Variants in CHODL observed in about 807,000 individuals in gnomAD.
CHODL encodes chondrolectin.
A neutral mutation model predicts 34.5 loss-of-function variants in CHODL; 29 were observed. That is an observed-to-expected ratio of 0.84 (90% confidence interval 0.63 to 1.15). The LOEUF (loss-of-function observed/expected upper bound fraction) is 1.15. Among genes scored for constraint, CHODL ranks in the 50% most tolerant of loss-of-function variants. The probability of loss-of-function intolerance (pLI) is 0.00; values close to 1 mark genes in which losing one functional copy is unlikely to be tolerated. For synonymous variants in CHODL, 125 were observed against 116.1 expected (o/e 1.08, Z -0.49); for missense variants, 332 against 332.5 (o/e 1.00, Z 0.01).
chr21:18,108,855 G>A (rs1353314505), intron 2 of CHODL, among the ~76,000 whole-genome samples: 1 of 151,896 alleles, frequency 6.6e-6, no homozygotes. Context: ...GTGTGTGTGT[G>A]TGTGTGTGTG....
At chr21:18,196,248 TATAAC>T (rs1296631875) in intron 2 of CHODL, among the ~76,000 whole-genome samples, 1 of 152,234 alleles carries the variant, frequency 6.6e-6, no homozygotes, top group Non-Finnish European at 1.5e-5. Flanking sequence ...AATAAGCTCT[TATAAC>T]ATGGTATGTT....
At chr21:18,163,103 G>C (rs1001844819) in intron 2 of CHODL, among the ~76,000 whole-genome samples, 1 of 152,054 alleles carries the variant, frequency 6.6e-6, no homozygotes, top group Non-Finnish European at 1.5e-5. Flanking sequence ...TTACAGTTTG[G>C]GGCTATTAAC....
At chr21:18,148,345 G>A (rs574777322) in intron 2 of CHODL, among the ~76,000 whole-genome samples, 112 of 152,174 alleles carry the variant, frequency 7.4e-4, no homozygotes, top group Non-Finnish European at 1.3e-3. Flanking sequence ...AGATATCATT[G>A]CAAAATAACT....
chr21:18,234,390 C>T (rs1334732162), intron 2 of CHODL, among the ~76,000 whole-genome samples: 3 of 152,012 alleles, frequency 2.0e-5, no homozygotes, highest in Admixed American at 2.0e-4. Flanking sequence ...CTCAAAATGG[C>T]ACAGCTGGCG....
chr21:18,245,855 C>A, intron 1 of CHODL: 25 of 1,469,768 alleles, frequency 1.7e-5, no homozygotes, highest in Non-Finnish European at 2.3e-5. Context: ...GTGGTCATTG[C>A]GTGTAGATGC....
chr21:17,998,242 G>A (rs988037198), intron 1 of CHODL, among the ~76,000 whole-genome samples: 1 of 152,204 alleles, frequency 6.6e-6, no homozygotes, highest in South Asian at 2.1e-4. Context: ...CTCACACCCA[G>A]GTCATGCTGA....
chr21:18,144,459 T>C (rs2072841460), intron 2 of CHODL, among the ~76,000 whole-genome samples: 1 of 152,146 alleles, frequency 6.6e-6, no homozygotes, highest in South Asian at 2.1e-4. Context: ...ACATGAAAGT[T>C]GGTTCACTTT....
chr21:18,185,426 T>C (rs938966098), intron 2 of CHODL, among the ~76,000 whole-genome samples: 2 of 152,240 alleles, frequency 1.3e-5, no homozygotes, highest in African/African-American at 4.8e-5. Flanking sequence ...CTATCATTGA[T>C]GAGCATCTGG....
intron 1 of CHODL, among the ~76,000 whole-genome samples, chr21:18,249,061 AT>A (rs2074199825): frequency 8.1e-6 from 1 of 123,274 alleles, no homozygotes; most frequent in African/African-American, 3.2e-5. Context: ...ATTATATATA[AT>A]TTACTATATA....
intron 2 of CHODL, among the ~76,000 whole-genome samples, chr21:18,049,989 C>T (rs1006768929): frequency 2.0e-5 from 3 of 151,916 alleles, no homozygotes; most frequent in Non-Finnish European, 4.4e-5. Flanking sequence ...TTCTGCTTTC[C>T]TGGAGCTAAC....
chr21:18,098,818 C>T (rs1442445665), intron 2 of CHODL, among the ~76,000 whole-genome samples: 1 of 152,028 alleles, frequency 6.6e-6, no homozygotes, highest in East Asian at 1.9e-4. Context: ...AGACTTGGAA[C>T]CAACCTTATT....
chr21:18,125,006 A>T (rs1194736918), intron 2 of CHODL, among the ~76,000 whole-genome samples: 1 of 152,234 alleles, frequency 6.6e-6, no homozygotes, highest in Non-Finnish European at 1.5e-5. Flanking sequence ...TCTCAAAAAA[A>T]CTTCCTACCT....
intron 1 of CHODL, among the ~76,000 whole-genome samples, chr21:17,995,242 C>T (rs1481506620): frequency 6.6e-6 from 1 of 152,140 alleles, no homozygotes; most frequent in African/African-American, 2.4e-5. Context: ...CACAAACTTC[C>T]TCTGGAAAAA....
intron 5 of CHODL, among the ~76,000 whole-genome samples, chr21:18,264,601 CAAAAA>C (rs564344974): frequency 2.8e-4 from 19 of 68,818 alleles, no homozygotes; most frequent in Admixed American, 7.1e-4. Context: ...GGGTCTGTCT[CAAAAA>C]AAAAAAAAAA....
At chr21:18,134,244 C>T (rs1390229841) in intron 2 of CHODL, 3 of 479,034 alleles carry the variant, frequency 6.3e-6, no homozygotes, top group Non-Finnish European at 1.3e-5. Context: ...TGTGCATATG[C>T]CTCTGCCTGA....
chr21:17,937,667 C>CT lies in CHODL; in HGVS notation c.-145+20273dup, dbSNP rs1568806587. On this transcript the variant is annotated intron_variant, in intron 1 of 6. Transcript: ENST00000400127. ...TCTTTAACCACTGGAGCCTAGATTTCTTTTTTACACTTGGCTCTTTATAAA... is the reference window on the plus strand; with the variant it reads ...TCTTTAACCACTGGAGCCTAGATTTCTTTTTTTACACTTGGCTCTTTATAAA... Among the ~76,000 whole-genome samples, 3 of 152,172 alleles carry CT rather than the reference C, an allele frequency of 2.0e-5. No individual in the cohort carries two copies. In the South Asian group the frequency reaches 6.2e-4, roughly 31 times the overall value.
At chr21:18,143,424 T>C (rs973347236) in intron 2 of CHODL, among the ~76,000 whole-genome samples, 1 of 152,176 alleles carries the variant, frequency 6.6e-6, no homozygotes, top group Non-Finnish European at 1.5e-5. Flanking sequence ...ATGCTTTTTA[T>C]ACAGAGAGAT....
At chr21:18,025,400 GTCTT>G (rs1391974051) in intron 1 of CHODL, among the ~76,000 whole-genome samples, 1 of 152,048 alleles carries the variant, frequency 6.6e-6, no homozygotes, top group African/African-American at 2.4e-5. Context: ...ATGTGGTAGA[GTCTT>G]TATGAAAATA....
At chr21:18,031,715 G>T (rs1191678397) in intron 2 of CHODL, among the ~76,000 whole-genome samples, 1 of 152,082 alleles carries the variant, frequency 6.6e-6, no homozygotes, top group Non-Finnish European at 1.5e-5. Flanking sequence ...GTATTAGGTA[G>T]AGGGGGATAA....
Sources: gnomAD v4.1 joint callset for allele counts (sites outside exome capture counted in the v4.1 genomes callset) on GRCh38, gnomAD v4.1.1 for gene constraint, MANE v1.5 for transcripts, NCBI Gene and HGNC (gene_info 2026-07-23, HGNC 2026-07-21) for gene names.